Variants in NTN1 observed in about 807,000 individuals in gnomAD.
NTN1 encodes netrin-1.
A neutral mutation model predicts 54.2 loss-of-function variants in NTN1; 11 were observed. That is an observed-to-expected ratio of 0.20 (90% CI 0.13 to 0.34). The LOEUF (loss-of-function observed/expected upper bound fraction) is 0.34. Among genes scored for constraint, NTN1 ranks in the 10% least tolerant of loss-of-function variants. The probability of loss-of-function intolerance (pLI) is 1.00; values close to 1 mark genes in which losing one functional copy is unlikely to be tolerated. For synonymous variants in NTN1, 371 were observed against 382.0 expected, an observed-to-expected ratio of 0.97 and a Z score of 0.33; for missense variants, 740 against 893.1, an observed-to-expected ratio of 0.83 and a Z score of 2.18.
chr17:9,196,432 G>A (rs925281948), intron 5 of NTN1, among the ~76,000 whole-genome samples: 2 of 152,216 alleles, frequency 1.3e-5, no homozygotes, highest in Admixed American at 6.5e-5. Flanking sequence ...TCCTGTGGCT[G>A]TCGTGATTAT....
intron 5 of NTN1, chr17:9,183,401 G>T: frequency 2.2e-6 from 1 of 445,562 alleles, no homozygotes. Flanking sequence ...TGGGCGTGGG[G>T]GAGAATCACA....
intron 2 of NTN1, among the ~76,000 whole-genome samples, chr17:9,085,616 G>A (rs1052128545): frequency 4.6e-5 from 7 of 152,098 alleles, no homozygotes; most frequent in African/African-American, 9.7e-5. Flanking sequence ...CAACCATCCC[G>A]GGAGCTCTAG....
intron 2 of NTN1, among the ~76,000 whole-genome samples, chr17:9,040,368 A>G (rs968689141): frequency 1.8e-4 from 27 of 152,206 alleles, no homozygotes; most frequent in African/African-American, 6.0e-4. Flanking sequence ...TTTGATTACT[A>G]TTATGAAAGG....
intron 2 of NTN1, among the ~76,000 whole-genome samples, chr17:9,141,708 A>G (rs1049491491): frequency 6.6e-6 from 1 of 152,038 alleles, no homozygotes; most frequent in Non-Finnish European, 1.5e-5. Context: ...TGTGTGTGTG[A>G]GAGAGAAGGG....
intron 2 of NTN1, among the ~76,000 whole-genome samples, chr17:9,121,977 G>C (rs1007142015): frequency 2.0e-5 from 3 of 152,076 alleles, no homozygotes; most frequent in African/African-American, 7.2e-5. Flanking sequence ...GGTCAGTGCA[G>C]AGGGGATATT....
Position 9,221,403 on chromosome 17 carries a change from C to G in NTN1, c.1486+161C>G, listed in dbSNP as rs1056136815. Reference sequence around the variant, plus strand: ...GATCCCACGCCTGGGAATTTCTCATCTTTTCCTCCTTGGCCCTCAGAGACG... The same window carrying G: ...GATCCCACGCCTGGGAATTTCTCATGTTTTCCTCCTTGGCCCTCAGAGACG... On this transcript the variant is annotated intron_variant, in intron 6 of 6. Coordinates refer to ENST00000173229, the MANE Select transcript of NTN1 (RefSeq NM_004822.3). This position sits in a 1 kb window ranked among gnomAD's most constrained non-coding sequence, Gnocchi z 4.5. 2.6e-5 allele frequency among the ~76,000 whole-genome samples: 4 copies of G among 152,178 alleles called. No homozygotes were observed. The highest frequency in any genetic ancestry group is 7.2e-5 in the African/African-American group (3 of 41,436).
chr17:9,157,465 C>T lies in NTN1; in HGVS notation c.1019-5348C>T, dbSNP rs547829000. On this transcript the variant is annotated intron_variant, in intron 2 of 6. Transcript: ENST00000173229. Reference sequence around the variant, plus strand: ...AATGTTGAGAGGTAAGGAGTGGCCACAGGCATGTGTTGAAATAGGACTTAG... The same window carrying T: ...AATGTTGAGAGGTAAGGAGTGGCCATAGGCATGTGTTGAAATAGGACTTAG... 7.2e-5 allele frequency among the ~76,000 whole-genome samples: 11 copies of T among 152,358 alleles called. No homozygotes were observed. In the East Asian group the frequency reaches 1.9e-3, roughly 27 times the overall value.
chr17:9,239,005 C>T lies in NTN1; in HGVS notation c.1487-635C>T, dbSNP rs1053130100. Among the ~76,000 whole-genome samples the T allele has an allele frequency of 2.0e-5, 3 of 152,178 alleles. No homozygotes were observed. The highest frequency in any genetic ancestry group is 4.4e-5 in the Non-Finnish European group (3 of 68,024). ...GAGAATTTGGAGTAAGAGGAATGGTCTGGGGACCTTGGGCGGCATGGAGGA... is the reference window on the plus strand; with the variant it reads ...GAGAATTTGGAGTAAGAGGAATGGTTTGGGGACCTTGGGCGGCATGGAGGA... On this transcript the variant is annotated intron_variant, in intron 6 of 6. Transcript: ENST00000173229. This position sits in a 1 kb window ranked among gnomAD's most constrained non-coding sequence, Gnocchi z 5.2.
chr17:9,205,117 C>G (rs1055934985), intron 5 of NTN1, among the ~76,000 whole-genome samples: 2 of 152,214 alleles, frequency 1.3e-5, no homozygotes, highest in African/African-American at 4.8e-5. Context: ...AACTTGCTCT[C>G]TCAAGTGCAG....
intron 2 of NTN1, among the ~76,000 whole-genome samples, chr17:9,130,233 G>A (rs1486117325): frequency 1.3e-5 from 2 of 152,112 alleles, no homozygotes; most frequent in Non-Finnish European, 2.9e-5. Flanking sequence ...CTTTGCAGGA[G>A]GCTGGTATGG....
chr17:9,144,397 A>G (rs1195957705), intron 2 of NTN1, among the ~76,000 whole-genome samples: 4 of 152,082 alleles, frequency 2.6e-5, no homozygotes, highest in Non-Finnish European at 5.9e-5. Flanking sequence ...TCATTCCTAG[A>G]TAAGGAAACT....
In NTN1 at chr17:9,211,635, C is replaced by T. The variant is rs751526274; in HGVS notation, c.1412-9533C>T. On this transcript the variant is annotated intron_variant, in intron 5 of 6. Transcript: ENST00000173229. The surrounding 1 kb of genome is among the most constrained non-coding windows in gnomAD (Gnocchi z 4.4). ...TGTGTATGTTCTCAGGGTTTTGACA[C>T]TCAATGCCAGCCACGCTCGGGAAAG... 1.3e-5 allele frequency among the ~76,000 whole-genome samples: 2 copies of T among 152,186 alleles called. No homozygotes were observed. Among genetic ancestry groups the T allele is most frequent in the Non-Finnish European group, 2.9e-5 (2 of 68,036 alleles).
intron 2 of NTN1, among the ~76,000 whole-genome samples, chr17:9,123,600 C>A (rs1024914065): frequency 1.3e-5 from 2 of 152,102 alleles, no homozygotes; most frequent in Non-Finnish European, 2.9e-5. Context: ...GTAATCTTTA[C>A]GGTTTCACTT....
At chr17:9,229,976 A>T (rs975329672) in intron 6 of NTN1, among the ~76,000 whole-genome samples, 1 of 152,024 alleles carries the variant, frequency 6.6e-6, no homozygotes, top group African/African-American at 2.4e-5. Flanking sequence ...TGGGAATCAG[A>T]TGAGCCGGGG....
the NTN1 span, among the ~76,000 whole-genome samples, chr17:9,007,134 C>A: frequency 6.6e-6 from 1 of 151,978 alleles, no homozygotes; most frequent in African/African-American, 2.4e-5. Context: ...CTCTTTCTTT[C>A]TTTCTCTTTT....
intron 6 of NTN1, among the ~76,000 whole-genome samples, chr17:9,225,710 A>AG: frequency 6.6e-6 from 1 of 151,704 alleles, no homozygotes; most frequent in Non-Finnish European, 1.5e-5. Flanking sequence ...GAGGCCGCCA[A>AG]ACCGGGCGGG....
upstream of NTN1, among the ~76,000 whole-genome samples, chr17:9,017,169 A>C (rs908514392): frequency 2.6e-5 from 4 of 151,516 alleles, no homozygotes; most frequent in African/African-American, 9.8e-5. Context: ...TCTTACAAAC[A>C]ACAATAAAAA....
chr17:9,045,358 A>ATC (rs2091938574), intron 2 of NTN1, among the ~76,000 whole-genome samples: 1 of 152,204 alleles, frequency 6.6e-6, no homozygotes, highest in Non-Finnish European at 1.5e-5. Flanking sequence ...TCCCGTCATG[A>ATC]AATATGACCC....
chr17:9,104,566 G>A (rs1055246368), intron 2 of NTN1, among the ~76,000 whole-genome samples: 2 of 152,150 alleles, frequency 1.3e-5, no homozygotes, highest in Non-Finnish European at 2.9e-5. Flanking sequence ...AGGACCCAGC[G>A]TGACCTTGGA....
Sources: allele counts gnomAD v4.1 joint callset (sites outside exome capture counted in the v4.1 genomes callset), GRCh38; gene constraint gnomAD v4.1.1; non-coding constraint Gnocchi (gnomAD v3.1); transcripts MANE v1.5; gene names NCBI Gene and HGNC (gene_info 2026-07-23, HGNC 2026-07-21).